The following GALNT7 variants were observed in gnomAD, a reference collection of about 807,000 sequenced individuals.
GALNT7 encodes N-acetylgalactosaminyltransferase 7.
In GALNT7, 60 loss-of-function variants were observed where a neutral mutation model predicts 82.1. The observed-to-expected ratio is 0.73, with a 90% confidence interval of 0.59 to 0.91. The LOEUF (loss-of-function observed/expected upper bound fraction) is 0.91. Ranked by LOEUF, GALNT7 falls within the 40% of genes least tolerant of loss-of-function variation. The probability of loss-of-function intolerance (pLI) is 0.00; values close to 1 mark genes in which losing one functional copy is unlikely to be tolerated. For synonymous variants in GALNT7, 243 were observed against 275.1 expected (o/e 0.88, Z 1.15); for missense variants, 660 against 804.2 (o/e 0.82, Z 2.17).
intron 1 of GALNT7, among the ~76,000 whole-genome samples, chr4:173,216,526 A>G (rs1733468494): frequency 6.6e-6 from 1 of 151,222 alleles, no homozygotes. Context: ...TGTCAGGAGG[A>G]TTTTGTGAGA....
At chr4:173,250,169 G>C (rs979660901) in intron 2 of GALNT7, among the ~76,000 whole-genome samples, 2 of 152,066 alleles carry the variant, frequency 1.3e-5, no homozygotes, top group Non-Finnish European at 2.9e-5. Flanking sequence ...AGGTGATTTG[G>C]TGTGAAAGCC....
At chr4:173,309,959 G>A (rs983707167) in intron 8 of GALNT7, among the ~76,000 whole-genome samples, 1 of 152,204 alleles carries the variant, frequency 6.6e-6, no homozygotes, top group African/African-American at 2.4e-5. Context: ...TAAAAGAGCT[G>A]AGAGGTGGCT....
chr4:173,245,304 G>C (rs1046051122), intron 1 of GALNT7, among the ~76,000 whole-genome samples: 3 of 151,142 alleles, frequency 2.0e-5, no homozygotes, highest in Non-Finnish European at 2.9e-5. Flanking sequence ...AGTTGAATTT[G>C]AAAAATATTT....
intron 1 of GALNT7, among the ~76,000 whole-genome samples, chr4:173,223,947 G>A (rs1261370087): frequency 6.6e-6 from 1 of 152,144 alleles, no homozygotes; most frequent in African/African-American, 2.4e-5. Flanking sequence ...ATGACGTCAG[G>A]TTGTTTCATC....
At chr4:173,238,900 T>G (rs929935858) in intron 1 of GALNT7, among the ~76,000 whole-genome samples, 1 of 152,232 alleles carries the variant, frequency 6.6e-6, no homozygotes, top group African/African-American at 2.4e-5. Context: ...GAATAAAAGT[T>G]TTTTTGTAAA....
In GALNT7 at chr4:173,320,806, AG is replaced by A. The variant is rs1737785256; in HGVS notation, c.1837-770del. Among the ~76,000 whole-genome samples, 4 of 152,264 alleles carry A rather than the reference AG, an allele frequency of 2.6e-5. No homozygotes were observed. In the South Asian group the frequency reaches 8.3e-4, roughly 32 times the overall value. On this transcript the variant is annotated intron_variant, in intron 11 of 11. Transcript: ENST00000265000. The surrounding 1 kb of genome is among the most constrained non-coding windows in gnomAD (Gnocchi z 4.1). Reference sequence around the variant, plus strand: ...CATAGAATTTTTTTTAAGTATACTGAGGGGTCAAGACTGAATAAAACGAATG... The same window carrying A: ...CATAGAATTTTTTTTAAGTATACTGAGGGTCAAGACTGAATAAAACGAATG...
intron 1 of GALNT7, among the ~76,000 whole-genome samples, chr4:173,200,623 G>GTAGTT (rs1195165577): frequency 1.3e-5 from 2 of 152,164 alleles, no homozygotes; most frequent in Non-Finnish European, 2.9e-5. Flanking sequence ...CTTGCTAACA[G>GTAGTT]TAGTTTTGTC....
At chr4:173,181,652 T>A (rs1459622997) in intron 1 of GALNT7, among the ~76,000 whole-genome samples, 1 of 152,234 alleles carries the variant, frequency 6.6e-6, no homozygotes, top group Non-Finnish European at 1.5e-5. Context: ...TTGTTAACTT[T>A]GAAAATTTTG....
Position 173,304,055 on chromosome 4 carries a change from C to A in GALNT7, c.1326C>A (p.Tyr442Ter). 6.2e-7 allele frequency: 1 copy of A among 1,612,364 alleles called. No individual in the cohort carries two copies. Among genetic ancestry groups the A allele is most frequent in the Non-Finnish European group, 8.5e-7 (1 of 1,178,562 alleles). Residue 442 changes from tyrosine to a stop codon, truncating the protein, a stop_gained, in exon 8 of 12, where the codon TAC (tyrosine) becomes TAA (stop). Transcript: ENST00000265000. LOFTEE classifies it high-confidence loss of function. ...CTTGTTCTCGTGTTGGACATATCTACCGTCTTGAGGGCTGGCAAGGAAATC... is the reference window on the plus strand; with the variant it reads ...CTTGTTCTCGTGTTGGACATATCTAACGTCTTGAGGGCTGGCAAGGAAATC... ...FVPCSRVGHIYRLEGWQGNPP... is the reference protein window; with the variant it reads ...FVPCSRVGHI
At chr4:173,235,331 C>T (rs1734182777) in intron 1 of GALNT7, among the ~76,000 whole-genome samples, 1 of 152,220 alleles carries the variant, frequency 6.6e-6, no homozygotes, top group Non-Finnish European at 1.5e-5. Flanking sequence ...GATCTAGCTA[C>T]TACCTAATCT....
chr4:173,309,197 G>T (rs999656603), intron 8 of GALNT7, among the ~76,000 whole-genome samples: 4 of 152,100 alleles, frequency 2.6e-5, no homozygotes, highest in Non-Finnish European at 5.9e-5. Context: ...CATCCTCCCG[G>T]GCTTCTTTCC....
intron 1 of GALNT7, among the ~76,000 whole-genome samples, chr4:173,232,912 C>G (rs1192526222): frequency 6.6e-6 from 1 of 152,174 alleles, no homozygotes; most frequent in African/African-American, 2.4e-5. Context: ...CCCTTCCCAG[C>G]CACTGTTAGC....
intron 1 of GALNT7, among the ~76,000 whole-genome samples, chr4:173,175,800 C>G (rs1047768691): frequency 5.9e-5 from 9 of 152,080 alleles, no homozygotes; most frequent in Non-Finnish European, 1.2e-4. Flanking sequence ...GAGGCTGGTG[C>G]GGTGGTTCAT....
At chr4:173,246,883 C>A (rs914276527) in intron 1 of GALNT7, among the ~76,000 whole-genome samples, 5 of 152,054 alleles carry the variant, frequency 3.3e-5, no homozygotes, top group African/African-American at 1.2e-4. Context: ...AAGTGGCAGA[C>A]CCATCAGCCT....
At chr4:173,272,641 C>T (rs957039704) in intron 2 of GALNT7, among the ~76,000 whole-genome samples, 5 of 152,112 alleles carry the variant, frequency 3.3e-5, no homozygotes, top group South Asian at 2.1e-4. Context: ...CAATTGATTC[C>T]GGAAATGAGG....
Position 173,323,223 on chromosome 4 carries a change from T to G in GALNT7, c.*1506T>G, listed in dbSNP as rs1368057448. On this transcript the variant is annotated 3_prime_UTR_variant, in exon 12 of 12. Transcript: ENST00000265000. The stretch of plus-strand genomic sequence containing the variant: ...CATGGTATCATTACAATGAAAGGAA[T>G]TCACAAACTACTGCCAGAGGAAGTT... 1.3e-5 allele frequency: 2 copies of G among 152,448 alleles called. No individual in the cohort carries two copies. Among genetic ancestry groups the G allele is most frequent in the Admixed American group, 1.3e-4 (2 of 15,258 alleles). 9.4% of individuals were successfully genotyped at this position (152,448 alleles called of 1,614,324 possible).
chr4:173,281,956 T>C (rs578107036), intron 2 of GALNT7, among the ~76,000 whole-genome samples: 57 of 152,040 alleles, frequency 3.7e-4, no homozygotes, highest in African/African-American at 1.4e-3. Flanking sequence ...TTGTCCTGCA[T>C]CCAAAAAAAT....
intron 1 of GALNT7, among the ~76,000 whole-genome samples, chr4:173,229,922 G>C (rs559009679): frequency 1.3e-5 from 2 of 151,620 alleles, no homozygotes; most frequent in South Asian, 4.2e-4. Flanking sequence ...ACAATGCTTT[G>C]ACTGACACAT....
At position 173,302,914 on chromosome 4, in the gene GALNT7, A is replaced by T. The variant is rs12186296; in HGVS notation, c.1266+750A>T. ...TGGCATTCAGTTGGTGTGCTTAAAA[A>T]ACCGTCGGCCAGGCGCTCATGCCTA... On this transcript the variant is annotated intron_variant, in intron 7 of 11. Coordinates refer to ENST00000265000, the MANE Select transcript of GALNT7 (RefSeq NM_017423.3). This position sits in a 1 kb window ranked among gnomAD's most constrained non-coding sequence, Gnocchi z 4.2. Among the ~76,000 whole-genome samples, 2,100 of 152,270 alleles carry T rather than the reference A, an allele frequency of 0.014. 58 individuals are homozygous for T. Among genetic ancestry groups the T allele is most frequent in the African/African-American group, 0.048 (1,982 of 41,560 alleles).
Sources: allele counts gnomAD v4.1 joint callset (sites outside exome capture counted in the v4.1 genomes callset), GRCh38; gene constraint gnomAD v4.1.1; non-coding constraint Gnocchi (gnomAD v3.1); transcripts MANE v1.5; gene names NCBI Gene and HGNC (gene_info 2026-07-23, HGNC 2026-07-21).